ATXN7L1: variants seen among roughly 807,000 people sequenced by gnomAD.
ATXN7L1 encodes ataxin 7 like 1, also known as ataxin-7-like protein 1.
In ATXN7L1, 15 loss-of-function variants were observed where a neutral mutation model predicts 70.8. The ratio of observed to expected loss-of-function variants is 0.21; its 90% CI spans 0.14 to 0.33. The LOEUF (loss-of-function observed/expected upper bound fraction) is 0.33. Ranked by LOEUF, ATXN7L1 falls within the 10% of genes least tolerant of loss-of-function variation. ATXN7L1 has a pLI of 1.00. For missense variants in ATXN7L1, 975 were observed against 1,097.1 expected (o/e 0.89, Z 1.57); for synonymous variants, 440 against 445.1 (o/e 0.99, Z 0.14).
At position 105,624,060 on chromosome 7, in the gene ATXN7L1, C is replaced by T. The variant is rs370686838; in HGVS notation, c.1395+15G>A. On this transcript the variant is annotated intron_variant, in intron 8 of 11. Transcript: ENST00000419735. ...CAGGCGAAGAACGCATGGCAAGGAA[C>T]GGAAGGAGGCCTACCGCCAGAGGTC... 2.2e-4 allele frequency: 299 copies of T among 1,387,130 alleles called. No homozygotes were observed. Among genetic ancestry groups the T allele is most frequent in the Non-Finnish European group, 2.7e-4 (287 of 1,055,950 alleles). The allele number at this position is 1,387,130 out of a possible 1,614,324, so 85.9% of individuals were successfully genotyped here. A position where few individuals can be genotyped will look rare whatever the true frequency, so the allele number is the denominator to read the frequency against.
chr7:105,849,594 T>A (rs540146538), intron 2 of ATXN7L1, among the ~76,000 whole-genome samples: 1 of 152,330 alleles, frequency 6.6e-6, no homozygotes, highest in East Asian at 1.9e-4. Context: ...AGCCATTGTT[T>A]GCTTGGTTTC....
intron 3 of ATXN7L1, among the ~76,000 whole-genome samples, chr7:105,782,723 T>C (rs1584992839): frequency 1.3e-5 from 2 of 152,216 alleles, no homozygotes; most frequent in Admixed American, 1.3e-4. Context: ...AGAGCTGCCA[T>C]AGGGGCCTAA....
chr7:105,853,699 G>T (rs1465522717), intron 2 of ATXN7L1, among the ~76,000 whole-genome samples: 1 of 152,198 alleles, frequency 6.6e-6, no homozygotes, highest in African/African-American at 2.4e-5. Context: ...GGGAGGCGGA[G>T]GTTGCAGCGA....
Position 105,614,319 on chromosome 7 carries a change from C to A in ATXN7L1, c.2015G>T (p.Gly672Val). 1 of 1,552,116 alleles carries A rather than the reference C, an allele frequency of 6.4e-7. No homozygotes were observed. The highest frequency in any genetic ancestry group is 8.7e-7 in the Non-Finnish European group (1 of 1,147,090). The change falls in exon 10 of 12, where the codon GGG becomes GTG. Residue 672 changes from glycine (G) to valine (V), a missense_variant. This residue lies in a region of ATXN7L1 where 635 missense variants were observed against 699.4 expected (regional missense o/e 0.91). Transcript: ENST00000419735. This position sits in a 1 kb window ranked among gnomAD's most constrained non-coding sequence, Gnocchi z 4.3. ...CAAAACACAGTTCTTTTTGTGAGGC[C>A]CTGACAGTGGAGACGAGAGGGATGT... The part of the protein sequence containing the change: ...LQTSLSSPLS[G>V]PHKKNCVLNA...
chr7:105,876,494 T>C lies in ATXN7L1; in HGVS notation c.65A>G (p.Lys22Arg). 1.2e-6 allele frequency: 2 copies of C among 1,612,372 alleles called. No homozygotes were observed. Among genetic ancestry groups the C allele is most frequent in the Non-Finnish European group, 1.7e-6 (2 of 1,179,012 alleles). ...CGCCATTGCTCTTCCTTCTTGTTGC[T>C]TTTTCCCTGTTCCTTCGGCAGCAGC... ...SAAAAEGTGK[K>R]QQEGRAMATL... The change falls in exon 1 of 12, where the codon AAG becomes AGG. Residue 22 changes from lysine (K) to arginine (R), a missense_variant. Physicochemically the swap from Lys to Arg is conservative, Grantham distance 26. Coordinates refer to ENST00000419735, the MANE Select transcript of ATXN7L1 (RefSeq NM_020725.2).
intron 2 of ATXN7L1, among the ~76,000 whole-genome samples, chr7:105,807,944 G>A (rs573378299): frequency 6.6e-6 from 1 of 152,244 alleles, no homozygotes; most frequent in Admixed American, 6.5e-5. Context: ...CTAGCTAACT[G>A]ATACAAGTCC....
intron 2 of ATXN7L1, among the ~76,000 whole-genome samples, chr7:105,796,674 C>G (rs1208811586): frequency 6.6e-6 from 1 of 152,172 alleles, no homozygotes; most frequent in Non-Finnish European, 1.5e-5. Flanking sequence ...TAAGAGTCTT[C>G]CTTTCCCCTA....
At chr7:105,793,075 C>CCCGGA (rs1375214559) in intron 2 of ATXN7L1, among the ~76,000 whole-genome samples, 1 of 152,230 alleles carries the variant, frequency 6.6e-6, no homozygotes, top group African/African-American at 2.4e-5. Context: ...TACTCTGACT[C>CCCGGA]TAAAGCCATT....
intron 2 of ATXN7L1, among the ~76,000 whole-genome samples, chr7:105,828,002 GA>G (rs898868757): frequency 1.3e-5 from 2 of 151,220 alleles, no homozygotes; most frequent in Non-Finnish European, 2.9e-5. Flanking sequence ...AAATTTAGGG[GA>G]AAAAAAACAA....
chr7:105,824,468 C>A (rs1810581812), intron 2 of ATXN7L1, among the ~76,000 whole-genome samples: 1 of 151,902 alleles, frequency 6.6e-6, no homozygotes, highest in Non-Finnish European at 1.5e-5. Context: ...AGAGAGAAAC[C>A]AAAACCAGGA....
Position 105,662,048 on chromosome 7 carries a change from T to C in ATXN7L1, c.578+3018A>G, listed in dbSNP as rs950713141. On this transcript the variant is annotated intron_variant, in intron 4 of 11. Coordinates refer to ENST00000419735, the MANE Select transcript of ATXN7L1 (RefSeq NM_020725.2). The stretch of plus-strand genomic sequence containing the variant: ...TTTCTTTCCTTCCTTCCTTCCTTCC[T>C]TCCTTCCTTCCTTCCTTCCTTCCTT... Among the ~76,000 whole-genome samples, 15 of 120,246 alleles carry C rather than the reference T, an allele frequency of 1.2e-4. 1 individual carries two copies. Among genetic ancestry groups the C allele is most frequent in the Non-Finnish European group, 2.1e-4 (12 of 56,770 alleles). The allele number at this position is 120,246 out of a possible 152,430, so 78.9% of individuals were successfully genotyped here.
chr7:105,762,277 C>A (rs1800654695), intron 3 of ATXN7L1, among the ~76,000 whole-genome samples: 1 of 152,216 alleles, frequency 6.6e-6, no homozygotes, highest in Non-Finnish European at 1.5e-5. Flanking sequence ...CACCCTTCTG[C>A]CTTCAATCCC....
At chr7:105,861,418 G>T (rs1280587946) in intron 2 of ATXN7L1, among the ~76,000 whole-genome samples, 2 of 151,946 alleles carry the variant, frequency 1.3e-5, no homozygotes, top group African/African-American at 4.8e-5. Flanking sequence ...GGATGGGGGT[G>T]GGGGAGTGGA....
chr7:105,781,832 A>T (rs1015507152), intron 3 of ATXN7L1, among the ~76,000 whole-genome samples: 6 of 151,868 alleles, frequency 4.0e-5, no homozygotes, highest in Non-Finnish European at 7.4e-5. Context: ...CAGAGCTGGA[A>T]TTTTTTTTAT....
chr7:105,867,222 C>T (rs1817618334), intron 2 of ATXN7L1, among the ~76,000 whole-genome samples: 8 of 152,180 alleles, frequency 5.3e-5, no homozygotes. Flanking sequence ...CCAGGCTTAA[C>T]ATGGAAATCA....
chr7:105,684,749 C>T (rs374179999), intron 3 of ATXN7L1, among the ~76,000 whole-genome samples: 49 of 152,316 alleles, frequency 3.2e-4, no homozygotes, highest in African/African-American at 1.1e-3. Context: ...TCATACACAA[C>T]GTGGAAGAGG....
At chr7:105,714,205 C>T (rs1676924811) in intron 3 of ATXN7L1, among the ~76,000 whole-genome samples, 1 of 152,194 alleles carries the variant, frequency 6.6e-6, no homozygotes, top group Admixed American at 6.5e-5. Context: ...AATTTCAATC[C>T]AAATGCTATA....
In ATXN7L1 at chr7:105,671,104, CAAAAAAAAAAA is replaced by C. The variant is rs71155469; in HGVS notation, c.356-5827_356-5817del. 2.6e-4 allele frequency among the ~76,000 whole-genome samples: 23 copies of C among 89,706 alleles called. 2 individuals carry two copies. Among genetic ancestry groups the C allele is most frequent in the South Asian group, 5.0e-4 (1 of 2,002 alleles). The allele number at this position is 89,706 out of a possible 152,430, so 58.9% of individuals were successfully genotyped here. ...CCTGGGCGACAGCGAGACTACGTCT[CAAAAAAAAAAA>C]AAAAAAAAAAAAAAAAAATTAGCCG... is the stretch of plus-strand genomic sequence containing the variant. On this transcript the variant is annotated intron_variant, in intron 3 of 11. Transcript: ENST00000419735.
At chr7:105,608,947 C>G (rs530440896) in intron 11 of ATXN7L1, among the ~76,000 whole-genome samples, 1 of 152,186 alleles carries the variant, frequency 6.6e-6, no homozygotes, top group Non-Finnish European at 1.5e-5. Flanking sequence ...ACCCCACCCC[C>G]CAATCCTTCC....
Sources: gnomAD v4.1 joint callset for allele counts (sites outside exome capture counted in the v4.1 genomes callset) on GRCh38, gnomAD v4.1.1 for gene constraint, gnomAD v4.1.1 regional missense constraint, Gnocchi (gnomAD v3.1) non-coding constraint, MANE v1.5 for transcripts, NCBI Gene and HGNC (gene_info 2026-07-23, HGNC 2026-07-21) for gene names.